The following BRD3 variants were observed in gnomAD, a reference collection of about 807,000 sequenced individuals.
BRD3 encodes bromodomain containing 3.
Under a neutral mutation model 66.8 loss-of-function variants are expected in BRD3, and 17 were observed. The ratio of observed to expected loss-of-function variants is 0.25; its 90% CI spans 0.17 to 0.38. The LOEUF (loss-of-function observed/expected upper bound fraction) is 0.38. Ranked by LOEUF, BRD3 falls within the 10% of genes least tolerant of loss-of-function variation. BRD3 has a pLI of 1.00. For synonymous variants in BRD3, 421 were observed against 393.2 expected (o/e 1.07, Z -0.84); for missense variants, 713 against 956.1 (o/e 0.75, Z 3.35).
intron 5 of BRD3, among the ~76,000 whole-genome samples, chr9:134,049,839 C>T (rs1830252973): frequency 1.3e-5 from 2 of 152,202 alleles, no homozygotes; most frequent in Admixed American, 6.5e-5. Context: ...CACCAGGCCT[C>T]GCCAGCCCCA....
intron 11 of BRD3, chr9:134,034,453 G>C (rs1487618626): frequency 1.9e-6 from 1 of 513,604 alleles, no homozygotes; most frequent in Admixed American, 3.3e-5. Context: ...TCCTCTGTCT[G>C]TGGTGCCCTG....
Position 134,032,613 on chromosome 9 carries a change from G to A in BRD3, c.*977C>T, listed in dbSNP as rs928102752. On this transcript the variant is annotated 3_prime_UTR_variant, in exon 12 of 12. Transcript: ENST00000303407. ...GCCCGGCACACCACTGGCAAGGCCT[G>A]CATCTCTGCGACTGTGTGAATGCAT... 4 of 229,996 alleles carry A rather than the reference G, an allele frequency of 1.7e-5. No individual in the cohort carries two copies. The highest frequency in any genetic ancestry group is 1.7e-4 in the Admixed American group (3 of 17,668). The allele number at this position is 229,996 out of a possible 1,614,324, so 14.2% of individuals were successfully genotyped here.
chr9:134,050,500 G>A lies in BRD3; in HGVS notation c.588C>T (p.Ile196=), dbSNP rs142203601. ...TGATGGTTGGTACAGGGGTGGCAGC[G>A]ATGACGGGCGTCTGGGAGACGGTGG... is the stretch of plus-strand genomic sequence containing the variant. The part of the protein sequence containing the change: ...VPPTVSQTPV[I]AATPVPTITA... Residue 196 remains isoleucine (I), a synonymous_variant, in exon 5 of 12, where the codon ATC becomes ATT. Transcript: ENST00000303407. 1.2e-5 allele frequency: 20 copies of A among 1,607,990 alleles called. No individual in the cohort carries two copies. The African/African-American group carries it at 1.3e-4, about 11-fold the overall frequency.
intron 8 of BRD3, among the ~76,000 whole-genome samples, chr9:134,041,258 C>G (rs77017292): frequency 0.012 from 1,886 of 152,306 alleles, 30 homozygotes; most frequent in African/African-American, 0.03. Flanking sequence ...CTCAAGACAG[C>G]TCAGAGTGGG....
rs1316095357 is a variant in BRD3 at position 134,031,646 on chromosome 9, TCTC to T, written c.*1941_*1943del. ...TTTAAAAAATGATAATTTACCAGCA[TCTC>T]CTCATCAGAGTTCCCTCTCCAGTAA... On this transcript the variant is annotated 3_prime_UTR_variant, in exon 12 of 12. Coordinates refer to ENST00000303407, the MANE Select transcript of BRD3 (RefSeq NM_007371.4). The T allele has an allele frequency of 4.7e-5, 10 of 214,472 alleles. No individual in the cohort carries two copies. The highest frequency in any genetic ancestry group is 8.5e-5 in the Non-Finnish European group (9 of 106,268). 13.3% of individuals were successfully genotyped at this position (214,472 alleles called of 1,614,324 possible).
intron 7 of BRD3, among the ~76,000 whole-genome samples, chr9:134,042,717 A>G (rs1830083629): frequency 6.7e-6 from 1 of 150,326 alleles, no homozygotes; most frequent in African/African-American, 2.5e-5. Context: ...ATATACACAT[A>G]TATACACATA....
At chr9:134,034,629 G>A (rs556819201) in intron 11 of BRD3, 72 bp downstream of exon 11, 16 of 1,579,210 alleles carry the variant, frequency 1.0e-5, no homozygotes, top group East Asian at 9.0e-5. Flanking sequence ...GGGCCTGCTC[G>A]ATGCTCAAAC....
At position 134,045,447 on chromosome 9, in the gene BRD3, G is replaced by A; in HGVS notation, c.1087-26C>T. The A allele has an allele frequency of 1.2e-6, 2 of 1,612,896 alleles. No individual in the cohort carries two copies. Among genetic ancestry groups the A allele is most frequent in the Non-Finnish European group, 1.7e-6 (2 of 1,179,818 alleles). On this transcript the variant is annotated intron_variant, in intron 6 of 11. Transcript: ENST00000303407. The surrounding 1 kb of genome is among the most constrained non-coding windows in gnomAD (Gnocchi z 4.8). ...CTGCAACACACAGTGACAGGGGCCA[G>A]TGAGCGTGGCCCGTGGCATCAGGAC...
At chr9:134,044,258 CAG>C (rs1467258442) in intron 7 of BRD3, among the ~76,000 whole-genome samples, 1 of 152,188 alleles carries the variant, frequency 6.6e-6, no homozygotes, top group Non-Finnish European at 1.5e-5. Context: ...GCAATGGCAG[CAG>C]TGCCTGGGAG....
chr9:134,066,132 G>A (rs374685486), intron 1 of BRD3, among the ~76,000 whole-genome samples: 5 of 152,118 alleles, frequency 3.3e-5, no homozygotes, highest in African/African-American at 4.8e-5. Flanking sequence ...CCTCCTCCCC[G>A]GATGTCCCAA....
chr9:134,061,147 T>C (rs1022951210), intron 1 of BRD3, among the ~76,000 whole-genome samples: 2 of 152,198 alleles, frequency 1.3e-5, no homozygotes, highest in African/African-American at 2.4e-5. Flanking sequence ...GGAGCAGGCA[T>C]GTCGCCTGGG....
intron 1 of BRD3, chr9:134,058,467 A>C (rs1412827128): frequency 2.0e-5 from 3 of 152,356 alleles, no homozygotes; most frequent in African/African-American, 7.2e-5. Flanking sequence ...CCAGAAACAA[A>C]GTAAACAGAA....
chr9:134,060,331 T>G (rs1474149682), intron 1 of BRD3, among the ~76,000 whole-genome samples: 1 of 152,164 alleles, frequency 6.6e-6, no homozygotes, highest in Non-Finnish European at 1.5e-5. Context: ...GCGCAGTGAC[T>G]CAGGCCTGTG....
intron 1 of BRD3, among the ~76,000 whole-genome samples, chr9:134,062,443 C>T (rs983697660): frequency 3.9e-5 from 6 of 152,200 alleles, no homozygotes; most frequent in Non-Finnish European, 7.4e-5. Context: ...CCACCAGTGC[C>T]TTCTAGACCT....
chr9:134,051,726 T>C lies in BRD3; in HGVS notation c.352-17A>G, dbSNP rs200528908. 41 of 1,585,518 alleles carry C rather than the reference T, an allele frequency of 2.6e-5. No homozygotes were observed. Among genetic ancestry groups the C allele is most frequent in the Non-Finnish European group, 3.5e-5 (41 of 1,171,818 alleles). On this transcript the variant is annotated splice_polypyrimidine_tract_variant and intron_variant, in intron 3 of 11. Transcript: ENST00000303407. ...ATCTGTGGGCTGAAGACACAGAGAGTCCAGGTCACGTGTCAGGAAAGGAGC... is the reference window on the plus strand; with the variant it reads ...ATCTGTGGGCTGAAGACACAGAGAGCCCAGGTCACGTGTCAGGAAAGGAGC...
chr9:134,034,796 T>C lies in BRD3; in HGVS notation c.1970A>G (p.Lys657Arg). 1 of 1,612,384 alleles carries C rather than the reference T, an allele frequency of 6.2e-7. No individual in the cohort carries two copies. Among genetic ancestry groups the C allele is most frequent in the Non-Finnish European group, 8.5e-7 (1 of 1,180,024 alleles). Residue 657 changes from lysine to arginine, a missense_variant, in exon 11 of 12, where the codon AAA becomes AGA. Physicochemically the swap from Lys to Arg is conservative, Grantham distance 26. Around this residue, in one of 5 missense-constraint regions of BRD3, gnomAD observed 418 missense variants for 609.3 expected, o/e 0.69. Coordinates refer to ENST00000303407, the MANE Select transcript of BRD3 (RefSeq NM_007371.4). ...ASGKKQAAKSKEELAQEKKKE... is the reference protein window; with the variant it reads ...ASGKKQAAKSREELAQEKKKE... ...CTTCTTTTCCTGAGCTAGCTCCTCT[T>C]TCGACTTGGCTGCCTGTTTCTTCCC... is the stretch of plus-strand genomic sequence containing the variant.
In BRD3 at chr9:134,053,406, C is replaced by T. The variant is rs747028945; in HGVS notation, c.72G>A (p.Pro24=). Residue 24 remains proline (P), a synonymous_variant, in exon 2 of 12, where the codon CCG becomes CCA. Coordinates refer to ENST00000303407, the MANE Select transcript of BRD3 (RefSeq NM_007371.4). The stretch of plus-strand genomic sequence containing the variant: ...CGGGCTTGCTGGGGTTGGAGACCTC[C>T]GGGGGGGGTGGGTTCACAGGGCCCG... The part of the protein sequence containing the change: ...ATPGPVNPPP[P]EVSNPSKPGR... 1.3e-5 allele frequency: 11 copies of T among 824,456 alleles called. No individual in the cohort carries two copies. Among genetic ancestry groups the T allele is most frequent in the Admixed American group, 6.4e-5 (3 of 46,842 alleles). 51.1% of individuals were successfully genotyped at this position (824,456 alleles called of 1,614,324 possible).
rs570276017 is a variant in BRD3 at position 134,055,070 on chromosome 9, C to G, written c.-113-1480G>C. Among the ~76,000 whole-genome samples the G allele has an allele frequency of 2.4e-4, 36 of 152,294 alleles. No homozygotes were observed. In the South Asian group the frequency reaches 7.2e-3, roughly 31 times the overall value. ...CGGGTGCCTCTCCACCTCACCGACC[C>G]GGTGCTCACAGCCCCAGGCTGCAAC... is the stretch of plus-strand genomic sequence containing the variant. On this transcript the variant is annotated intron_variant, in intron 1 of 11. Transcript: ENST00000303407.
At chr9:134,066,418 T>A (rs1315281303) in intron 1 of BRD3, among the ~76,000 whole-genome samples, 1 of 152,184 alleles carries the variant, frequency 6.6e-6, no homozygotes, top group Non-Finnish European at 1.5e-5. Flanking sequence ...GAGGGCTCCC[T>A]AACCCCCGAG....
Sources: gnomAD v4.1 joint callset for allele counts (sites outside exome capture counted in the v4.1 genomes callset) on GRCh38, gnomAD v4.1.1 for gene constraint, gnomAD v4.1.1 regional missense constraint, Gnocchi (gnomAD v3.1) non-coding constraint, MANE v1.5 for transcripts, NCBI Gene and HGNC (gene_info 2026-07-23, HGNC 2026-07-21) for gene names.